Variants in COL15A1 observed in about 807,000 individuals in gnomAD.
COL15A1 encodes the protein collagen type XV alpha 1 chain.
In COL15A1, 111 loss-of-function variants were observed where a neutral mutation model predicts 165.9. The ratio of observed to expected loss-of-function variants is 0.67; its 90% CI spans 0.57 to 0.78. The LOEUF (loss-of-function observed/expected upper bound fraction) is 0.78, where lower values mean the gene tolerates loss of function less well. Among genes scored for constraint, COL15A1 ranks in the 30% least tolerant of loss-of-function variants. The pLI, the probability that COL15A1 is intolerant of heterozygous loss-of-function variation, is 0.00. For missense variants in COL15A1, 1,745 were observed against 1,789.7 expected (o/e 0.98, Z 0.45); for synonymous variants, 659 against 674.8 (o/e 0.98, Z 0.36).
chr9:98,978,802 A>G (rs1838185975), intron 2 of COL15A1, among the ~76,000 whole-genome samples: 1 of 152,188 alleles, frequency 6.6e-6, no homozygotes. Flanking sequence ...AGAAAAAAGT[A>G]TAAAAAGATA....
At chr9:99,036,989 G>C (rs1417069354) in intron 21 of COL15A1, among the ~76,000 whole-genome samples, 1 of 152,200 alleles carries the variant, frequency 6.6e-6, no homozygotes, top group African/African-American at 2.4e-5. Context: ...GGAGCCAAGA[G>C]AAGCCAAGGA....
chr9:98,998,619 T>G (rs561217231), intron 6 of COL15A1, among the ~76,000 whole-genome samples: 1 of 152,302 alleles, frequency 6.6e-6, no homozygotes, highest in East Asian at 1.9e-4. Context: ...GGGCTGAATC[T>G]GGCCGCAGTT....
chr9:99,016,127 G>T lies in COL15A1; in HGVS notation c.1647+8G>T. The T allele has an allele frequency of 6.3e-7, 1 of 1,598,106 alleles. No individual in the cohort carries two copies. On this transcript the variant is annotated splice_region_variant and intron_variant, in intron 11 of 41. Coordinates refer to ENST00000375001, the MANE Select transcript of COL15A1 (RefSeq NM_001855.5). ...GAAAGATGGATCACTCCAGTAAGTG[G>T]CATAGAGCTGTAAGATTTGACTTGG...
intron 3 of COL15A1, among the ~76,000 whole-genome samples, chr9:98,986,921 C>A (rs904413236): frequency 1.3e-5 from 2 of 152,098 alleles, no homozygotes; most frequent in East Asian, 1.9e-4. Flanking sequence ...TGGGACGAGG[C>A]CTTCAAACTC....
intron 2 of COL15A1, among the ~76,000 whole-genome samples, chr9:98,973,350 G>C (rs1038911919): frequency 4.0e-5 from 6 of 151,698 alleles, no homozygotes; most frequent in African/African-American, 1.5e-4. Flanking sequence ...AGAGAAGGAG[G>C]CGTTCTAAGT....
chr9:99,047,844 G>A lies in COL15A1; in HGVS notation c.2733+5G>A, dbSNP rs972395071. 1.2e-6 allele frequency: 2 copies of A among 1,614,064 alleles called. No homozygotes were observed. Among genetic ancestry groups the A allele is most frequent in the Non-Finnish European group, 1.7e-6 (2 of 1,179,970 alleles). On this transcript the variant is annotated splice_donor_5th_base_variant and intron_variant, in intron 27 of 41. Coordinates refer to ENST00000375001, the MANE Select transcript of COL15A1 (RefSeq NM_001855.5). ...TTTGGCCTTCCCGGGCGACCTGTAG[G>A]TATCAGTGTTCATTGGACAGGCTGG...
intron 21 of COL15A1, 103 bp downstream of exon 21, chr9:99,036,499 A>G: frequency 1.6e-6 from 2 of 1,212,292 alleles, no homozygotes; most frequent in South Asian, 1.4e-5. Flanking sequence ...TGCAGGAGGC[A>G]TGTAGCCAGT....
chr9:99,041,993 A>C, intron 23 of COL15A1, 52 bp from the exon 24 acceptor site: 1 of 1,159,722 alleles, frequency 8.6e-7, no homozygotes, highest in South Asian at 1.3e-5. Flanking sequence ...TGATTGGTTT[A>C]TGCATTTTAA....
chr9:98,983,370 G>A (rs550170367), intron 2 of COL15A1, among the ~76,000 whole-genome samples: 97 of 152,208 alleles, frequency 6.4e-4, no homozygotes, highest in East Asian at 2.1e-3. Context: ...AGCCCCACCC[G>A]CAACCCCGGT....
At chr9:98,961,950 T>C (rs1837872603) in intron 2 of COL15A1, among the ~76,000 whole-genome samples, 2 of 152,198 alleles carry the variant, frequency 1.3e-5, no homozygotes, top group South Asian at 4.1e-4. Flanking sequence ...CCTTGGCCTC[T>C]CAGGGCCTCC....
In COL15A1 at chr9:99,066,599, G is replaced by GTTTTTTTTTTTTTTTTTTTTTTTTTTTTT. The variant is rs67961829; in HGVS notation, c.3652-258_3652-257insTTTTTTTTTTTTTTTTTTTTTTTTTTTTT. ...TTTGGTCCAAGCAATATTTTGTTCT[G>GTTTTTTTTTTTTTTTTTTTTTTTTTTTTT]TTTTTTTTTTTTTTTTTTTTTTTTT... On this transcript the variant is annotated intron_variant, in intron 39 of 41. Transcript: ENST00000375001. 9.9e-5 allele frequency among the ~76,000 whole-genome samples: 7 copies of GTTTTTTTTTTTTTTTTTTTTTTTTTTTTT among 71,040 alleles called. 1 individual carries two copies. Among genetic ancestry groups the GTTTTTTTTTTTTTTTTTTTTTTTTTTTTT allele is most frequent in the Non-Finnish European group, 1.7e-4 (6 of 35,720 alleles). The allele number at this position is 71,040 out of a possible 152,430, so 46.6% of individuals were successfully genotyped here. A position where few individuals can be genotyped will look rare whatever the true frequency, so the allele number is the denominator to read the frequency against.
intron 2 of COL15A1, among the ~76,000 whole-genome samples, chr9:98,961,500 T>C (rs1262858741): frequency 1.3e-5 from 2 of 151,314 alleles, no homozygotes; most frequent in African/African-American, 4.9e-5. Flanking sequence ...GGAAGAGGAG[T>C]GGAATGTTCC....
chr9:99,058,023 T>C (rs1309412680), intron 35 of COL15A1, among the ~76,000 whole-genome samples: 2 of 152,106 alleles, frequency 1.3e-5, no homozygotes, highest in African/African-American at 4.8e-5. Flanking sequence ...CAGCTGGACC[T>C]CAGGAACAGC....
intron 9 of COL15A1, among the ~76,000 whole-genome samples, chr9:99,010,078 CT>C (rs1441337016): frequency 6.6e-6 from 1 of 152,194 alleles, no homozygotes; most frequent in Non-Finnish European, 1.5e-5. Context: ...AGTTGAATAG[CT>C]TTAATTTTTG....
intron 2 of COL15A1, among the ~76,000 whole-genome samples, chr9:98,963,096 G>T (rs1837888280): frequency 6.6e-6 from 1 of 152,208 alleles, no homozygotes; most frequent in South Asian, 2.1e-4. Context: ...TATGCATGTG[G>T]GAGGCTGGTC....
intron 21 of COL15A1, 70 bp downstream of exon 21, chr9:99,036,466 C>A: frequency 6.5e-7 from 1 of 1,541,482 alleles, no homozygotes; most frequent in Non-Finnish European, 8.9e-7. Context: ...GAAGGTTGTC[C>A]ATGACTTCAA....
intron 6 of COL15A1, 109 bp from the exon 7 acceptor site, chr9:99,000,730 G>A: frequency 4.3e-6 from 3 of 697,882 alleles, no homozygotes; most frequent in Non-Finnish European, 5.2e-6. Flanking sequence ...TCTTGACCCT[G>A]TGTCATGGTA....
intron 2 of COL15A1, among the ~76,000 whole-genome samples, chr9:98,964,856 A>G (rs893817071): frequency 3.3e-5 from 5 of 152,100 alleles, no homozygotes; most frequent in Admixed American, 2.6e-4. Context: ...TCTGAAGGTT[A>G]CCCTGATTCT....
intron 2 of COL15A1, among the ~76,000 whole-genome samples, chr9:98,949,645 T>C (rs1000834613): frequency 6.6e-6 from 1 of 152,248 alleles, no homozygotes; most frequent in African/African-American, 2.4e-5. Context: ...TTTCATATGT[T>C]TATTGACCAT....
Sources: allele counts gnomAD v4.1 joint callset (sites outside exome capture counted in the v4.1 genomes callset), GRCh38; gene constraint gnomAD v4.1.1; transcripts MANE v1.5; gene names NCBI Gene and HGNC (gene_info 2026-07-23, HGNC 2026-07-21).